NTNG1: variants seen among roughly 807,000 people sequenced by gnomAD.
NTNG1 encodes the protein netrin-G1.
Under a neutral mutation model 54.0 loss-of-function variants are expected in NTNG1, and 16 were observed. The observed-to-expected ratio is 0.30, with a 90% CI of 0.20 to 0.45. The LOEUF (loss-of-function observed/expected upper bound fraction) is 0.45, where lower values mean the gene tolerates loss of function less well. Among genes scored for constraint, NTNG1 ranks in the 20% least tolerant of loss-of-function variants. The probability of loss-of-function intolerance (pLI) is 1.00; values close to 1 mark genes in which losing one functional copy is unlikely to be tolerated. For synonymous variants in NTNG1, 255 were observed against 263.1 expected (o/e 0.97, Z 0.30); for missense variants, 530 against 678.7 (o/e 0.78, Z 2.43).
intron 2 of NTNG1, among the ~76,000 whole-genome samples, chr1:107,159,920 G>A (rs1387029692): frequency 6.6e-6 from 1 of 152,124 alleles, no homozygotes; most frequent in African/African-American, 2.4e-5. Flanking sequence ...CATATAAATG[G>A]AAATAAGCTG....
chr1:107,193,734 G>A (rs1270308400), intron 2 of NTNG1, among the ~76,000 whole-genome samples: 3 of 151,772 alleles, frequency 2.0e-5, no homozygotes, highest in African/African-American at 7.3e-5. Flanking sequence ...AATTTCACCT[G>A]GAATATCTAT....
chr1:107,373,540 G>T (rs1249045582), intron 3 of NTNG1, among the ~76,000 whole-genome samples: 1 of 144,752 alleles, frequency 6.9e-6, no homozygotes, highest in African/African-American at 2.5e-5. Flanking sequence ...TCATTCCTTT[G>T]TGTCTAAATG....
intron 3 of NTNG1, among the ~76,000 whole-genome samples, chr1:107,332,996 TG>T (rs1404188095): frequency 1.3e-5 from 2 of 151,896 alleles, no homozygotes; most frequent in East Asian, 3.9e-4. Context: ...TGAAAAACAT[TG>T]AAAAAAATGG....
chr1:107,466,371 A>G (rs1415362092), intron 7 of NTNG1, among the ~76,000 whole-genome samples: 1 of 152,208 alleles, frequency 6.6e-6, no homozygotes, highest in African/African-American at 2.4e-5. Flanking sequence ...ATTCACTCAA[A>G]ATACTCATAT....
intron 3 of NTNG1, among the ~76,000 whole-genome samples, chr1:107,387,584 G>T (rs114834189): frequency 1.3e-5 from 2 of 152,144 alleles, no homozygotes; most frequent in African/African-American, 4.8e-5. Flanking sequence ...AAGTGTTAAT[G>T]TGGCTGTCTA....
chr1:107,436,313 C>A (rs1675590277), intron 6 of NTNG1, among the ~76,000 whole-genome samples: 1 of 152,178 alleles, frequency 6.6e-6, no homozygotes, highest in Non-Finnish European at 1.5e-5. Flanking sequence ...ACACATTTTA[C>A]ACTGATGGCA....
intron 2 of NTNG1, among the ~76,000 whole-genome samples, chr1:107,203,328 G>A (rs1235635376): frequency 6.7e-6 from 1 of 148,448 alleles, no homozygotes; most frequent in East Asian, 2.0e-4. Context: ...CTTTTTTTTT[G>A]CTGTTTCTTC....
chr1:107,234,906 T>A (rs1661306356), intron 2 of NTNG1, among the ~76,000 whole-genome samples: 1 of 152,174 alleles, frequency 6.6e-6, no homozygotes, highest in Non-Finnish European at 1.5e-5. Flanking sequence ...TACAGAAAGA[T>A]GGGGCAAGAC....
intron 5 of NTNG1, among the ~76,000 whole-genome samples, chr1:107,412,301 T>TATCA (rs1167727198): frequency 1.3e-5 from 2 of 152,218 alleles, no homozygotes; most frequent in African/African-American, 4.8e-5. Flanking sequence ...CTTCTTGGAC[T>TATCA]ATCAATGGAG....
intron 6 of NTNG1, among the ~76,000 whole-genome samples, chr1:107,436,094 G>A (rs1007839902): frequency 1.3e-5 from 2 of 152,168 alleles, no homozygotes; most frequent in African/African-American, 4.8e-5. Context: ...AAGCTGGGCT[G>A]CATAAAAGCT....
intron 2 of NTNG1, among the ~76,000 whole-genome samples, chr1:107,154,568 C>A (rs1373541646): frequency 7.6e-6 from 1 of 131,988 alleles, no homozygotes; most frequent in Non-Finnish European, 1.5e-5. Flanking sequence ...TGCACAACAG[C>A]CTAGGCAACA....
intron 2 of NTNG1, among the ~76,000 whole-genome samples, chr1:107,261,172 T>C (rs1298266311): frequency 6.6e-6 from 1 of 152,210 alleles, no homozygotes; most frequent in Non-Finnish European, 1.5e-5. Flanking sequence ...TCCTGGGTCC[T>C]GTGCCAGGTA....
chr1:107,463,387 T>A (rs1677400506), intron 7 of NTNG1, among the ~76,000 whole-genome samples: 1 of 152,246 alleles, frequency 6.6e-6, no homozygotes, highest in Non-Finnish European at 1.5e-5. Flanking sequence ...TCAATCTGTA[T>A]CATGTCGTTT....
Position 107,450,644 on chromosome 1 carries a change from G to A in NTNG1, c.1390+13845G>A, listed in dbSNP as rs79005120. On this transcript the variant is annotated intron_variant, in intron 7 of 7. Transcript: ENST00000370068. ...ACCTATTATGTCTTTTTCTGTGGTC[G>A]TTTCAAATACTAATTACCATCTGTA... is the stretch of plus-strand genomic sequence containing the variant. Among the ~76,000 whole-genome samples the A allele has an allele frequency of 5.7e-4, 86 of 152,110 alleles. No homozygotes were observed. In the East Asian group the frequency reaches 0.015, roughly 26 times the overall value.
At chr1:107,192,986 A>T (rs1424002555) in intron 2 of NTNG1, among the ~76,000 whole-genome samples, 1 of 152,092 alleles carries the variant, frequency 6.6e-6, no homozygotes, top group Non-Finnish European at 1.5e-5. Flanking sequence ...AATAGAAACT[A>T]ATAGGTAAAA....
intron 2 of NTNG1, among the ~76,000 whole-genome samples, chr1:107,322,999 A>G (rs188487613): frequency 1.2e-3 from 181 of 152,104 alleles, no homozygotes; most frequent in Non-Finnish European, 2.2e-3. Context: ...CTTATATTTC[A>G]TAGGAGTCAG....
intron 7 of NTNG1, among the ~76,000 whole-genome samples, chr1:107,454,414 C>T (rs192196629): frequency 1.4e-4 from 22 of 152,224 alleles, no homozygotes; most frequent in African/African-American, 4.6e-4. Context: ...AGAGACCCTG[C>T]CGTAAAGTAG....
chr1:107,432,720 G>C (rs1386780189), intron 6 of NTNG1, among the ~76,000 whole-genome samples: 1 of 151,944 alleles, frequency 6.6e-6, no homozygotes, highest in Non-Finnish European at 1.5e-5. Flanking sequence ...TTTTACATAA[G>C]ATTAAAATGT....
intron 3 of NTNG1, among the ~76,000 whole-genome samples, chr1:107,341,495 C>T (rs181795283): frequency 3.9e-5 from 6 of 152,062 alleles, no homozygotes; most frequent in African/African-American, 1.2e-4. Flanking sequence ...TTCTTGAGCC[C>T]TGGGTAATGA....
Sources: gnomAD v4.1 joint callset for allele counts (sites outside exome capture counted in the v4.1 genomes callset) on GRCh38, gnomAD v4.1.1 for gene constraint, MANE v1.5 for transcripts, NCBI Gene and HGNC (gene_info 2026-07-23, HGNC 2026-07-21) for gene names.